Variants in ASTN2 observed in about 807,000 individuals in gnomAD.
The protein encoded by ASTN2 is astrotactin 2.
Under a neutral mutation model 139.8 loss-of-function variants are expected in ASTN2, and 54 were observed. The observed-to-expected ratio is 0.39, with a 90% confidence interval of 0.31 to 0.48. The LOEUF (loss-of-function observed/expected upper bound fraction) is 0.48, where lower values mean the gene tolerates loss of function less well. Ranked by LOEUF, ASTN2 falls within the 20% of genes least tolerant of loss-of-function variation. ASTN2 has a pLI of 0.95. For synonymous variants in ASTN2, 756 were observed against 719.5 expected, an observed-to-expected ratio of 1.05 and a Z score of -0.81; for missense variants, 1,565 against 1,725.1, an observed-to-expected ratio of 0.91 and a Z score of 1.64.
Position 116,607,465 on chromosome 9 carries a change from GGAA to G in ASTN2, c.3355+10856_3355+10858del, listed in dbSNP as rs1855265317. Among the ~76,000 whole-genome samples the G allele has an allele frequency of 2.0e-5, 3 of 152,072 alleles. No individual in the cohort carries two copies. The South Asian group carries it at 6.2e-4, about 32-fold the overall frequency. The stretch of plus-strand genomic sequence containing the variant: ...GTCTTCAATCTTCTGAATGGCTACA[GGAA>G]GAAGGGCCTAGATCTGTGTAAAGTG... On this transcript the variant is annotated intron_variant, in intron 19 of 22. Transcript: ENST00000313400.
intron 10 of ASTN2, among the ~76,000 whole-genome samples, chr9:116,870,373 T>C (rs561527668): frequency 1.3e-5 from 2 of 152,280 alleles, no homozygotes; most frequent in South Asian, 2.1e-4. Context: ...AATAACATGA[T>C]ATAGAAATGT....
chr9:116,963,386 G>T (rs920647190), intron 10 of ASTN2, among the ~76,000 whole-genome samples: 1 of 152,212 alleles, frequency 6.6e-6, no homozygotes, highest in African/African-American at 2.4e-5. Context: ...TGGGAGATGA[G>T]ATCAGAGGGT....
chr9:116,733,311 T>C, intron 14 of ASTN2, 88 bp downstream of exon 14: 1 of 1,530,924 alleles, frequency 6.5e-7, no homozygotes, highest in Non-Finnish European at 8.9e-7. Context: ...GAGCCCATCT[T>C]GGATCTGCTG....
At chr9:117,116,085 A>G (rs1039395828) in intron 4 of ASTN2, among the ~76,000 whole-genome samples, 4 of 150,298 alleles carry the variant, frequency 2.7e-5, no homozygotes, top group African/African-American at 5.0e-5. Flanking sequence ...ATTCAGATGG[A>G]GGAAATGGTC....
intron 13 of ASTN2, among the ~76,000 whole-genome samples, chr9:116,776,393 G>T (rs552647387): frequency 6.6e-6 from 1 of 152,296 alleles, no homozygotes; most frequent in Non-Finnish European, 1.5e-5. Context: ...TTTTACAGAT[G>T]TAAAAAAGCA....
chr9:116,752,577 G>C (rs1380813518), intron 13 of ASTN2, among the ~76,000 whole-genome samples: 1 of 152,120 alleles, frequency 6.6e-6, no homozygotes, highest in African/African-American at 2.4e-5. Context: ...ATACTGTTAA[G>C]AGAATGAAAA....
chr9:117,282,094 T>C (rs1474486212), intron 2 of ASTN2, among the ~76,000 whole-genome samples: 1 of 152,194 alleles, frequency 6.6e-6, no homozygotes, highest in Non-Finnish European at 1.5e-5. Flanking sequence ...CTTTTGTTGC[T>C]AAATCCCTTT....
chr9:116,577,169 A>T (rs1029712004), intron 19 of ASTN2, among the ~76,000 whole-genome samples: 3 of 152,218 alleles, frequency 2.0e-5, no homozygotes, highest in Non-Finnish European at 2.9e-5. Context: ...ATCAGAATCC[A>T]AGTGCAGAAC....
intron 13 of ASTN2, among the ~76,000 whole-genome samples, chr9:116,782,772 CCCT>C (rs1452201113): frequency 6.6e-6 from 1 of 151,474 alleles, no homozygotes; most frequent in Non-Finnish European, 1.5e-5. Context: ...CAGTCTGATT[CCCT>C]CTTTTTCTTC....
intron 13 of ASTN2, among the ~76,000 whole-genome samples, chr9:116,794,780 G>A (rs1328913885): frequency 6.6e-6 from 1 of 152,130 alleles, no homozygotes; most frequent in African/African-American, 2.4e-5. Flanking sequence ...TGCTTTAAGG[G>A]TATTGGGAAA....
intron 10 of ASTN2, among the ~76,000 whole-genome samples, chr9:116,947,533 A>G (rs940077008): frequency 6.6e-6 from 1 of 152,214 alleles, no homozygotes; most frequent in Non-Finnish European, 1.5e-5. Context: ...TAAAAGTTAC[A>G]TGCATCTTTT....
At chr9:117,342,454 A>G (rs917293035) in intron 1 of ASTN2, among the ~76,000 whole-genome samples, 1 of 152,212 alleles carries the variant, frequency 6.6e-6, no homozygotes, top group South Asian at 2.1e-4. Context: ...GCAGCAGTGA[A>G]TCGGAGTTTC....
At chr9:117,024,879 C>T (rs1414759864) in intron 6 of ASTN2, among the ~76,000 whole-genome samples, 3 of 152,042 alleles carry the variant, frequency 2.0e-5, no homozygotes, top group Non-Finnish European at 4.4e-5. Flanking sequence ...GCAGTTTCCC[C>T]CATACTGTTC....
At chr9:117,315,374 G>C (rs1450780704) in intron 1 of ASTN2, among the ~76,000 whole-genome samples, 1 of 152,184 alleles carries the variant, frequency 6.6e-6, no homozygotes, top group Non-Finnish European at 1.5e-5. Flanking sequence ...TGAGTTGTTA[G>C]AACAGTGAAG....
At chr9:117,017,775 T>C (rs2132608816) in intron 6 of ASTN2, among the ~76,000 whole-genome samples, 1 of 152,260 alleles carries the variant, frequency 6.6e-6, no homozygotes, top group South Asian at 2.1e-4. Flanking sequence ...TACATATTAC[T>C]ATATATTTTG....
At chr9:116,595,630 T>C (rs7852600) in intron 19 of ASTN2, among the ~76,000 whole-genome samples, 66,833 of 151,930 alleles carry the variant, frequency 0.44, 15,511 homozygotes, top group East Asian at 0.7. Context: ...CGGCCACTCT[T>C]GCTTCATTCT....
intron 19 of ASTN2, among the ~76,000 whole-genome samples, chr9:116,605,794 T>C (rs937548887): frequency 5.3e-5 from 8 of 152,198 alleles, no homozygotes; most frequent in Non-Finnish European, 7.3e-5. Flanking sequence ...TCCATCTGCC[T>C]CTAGGTCTAT....
chr9:116,721,928 A>C (rs1828483113), intron 16 of ASTN2, among the ~76,000 whole-genome samples: 1 of 152,218 alleles, frequency 6.6e-6, no homozygotes, highest in Non-Finnish European at 1.5e-5. Context: ...CTAGACCACT[A>C]TACTTCCTTT....
At chr9:117,048,832 T>C (rs1028719632) in intron 5 of ASTN2, among the ~76,000 whole-genome samples, 5 of 152,184 alleles carry the variant, frequency 3.3e-5, no homozygotes, top group African/African-American at 4.8e-5. Context: ...AATGGGCCTA[T>C]AAGCCATGTC....
Sources: allele counts gnomAD v4.1 joint callset (sites outside exome capture counted in the v4.1 genomes callset), GRCh38; gene constraint gnomAD v4.1.1; transcripts MANE v1.5; gene names NCBI Gene and HGNC (gene_info 2026-07-23, HGNC 2026-07-21).